The following JPH4 variants were observed in gnomAD, a reference collection of about 807,000 sequenced individuals.
JPH4 encodes junctophilin-4.
A neutral mutation model predicts 57.6 loss-of-function variants in JPH4; 18 were observed. The ratio of observed to expected loss-of-function variants is 0.31; its 90% confidence interval spans 0.22 to 0.46. The LOEUF is 0.46. JPH4 is among the 20% of genes least tolerant of loss of function. JPH4 has a pLI of 1.00. For synonymous variants in JPH4, 425 were observed against 406.6 expected (o/e 1.05, Z -0.54); for missense variants, 727 against 911.1 (o/e 0.80, Z 2.60).
chr14:23,573,624 G>C (rs553178059), intron 3 of JPH4, among the ~76,000 whole-genome samples: 7 of 152,300 alleles, frequency 4.6e-5, no homozygotes, highest in South Asian at 4.1e-4. Flanking sequence ...CTACCTGGCA[G>C]AGGCACCTGC....
Position 23,576,535 on chromosome 14 carries a change from G to A in JPH4, c.380-79C>T. On this transcript the variant is annotated intron_variant, in intron 2 of 5. Transcript: ENST00000356300. The surrounding 1 kb of genome is among the most constrained non-coding windows in gnomAD (Gnocchi z 8.0). ...TGCGCCCCAAGTCCCAAGCGCCCCT[G>A]GAAGCCCAAGCGTCAGGCGGGAGAG... 1 of 1,228,124 alleles carries A rather than the reference G, an allele frequency of 8.1e-7. No individual in the cohort carries two copies. Among genetic ancestry groups the A allele is most frequent in the Non-Finnish European group, 1.0e-6 (1 of 956,956 alleles). 76.1% of individuals were successfully genotyped at this position (1,228,124 alleles called of 1,614,324 possible).
rs1397656228 is a variant in JPH4, at chr14:23,569,135, C to T, written c.*499G>A. 5.6e-6 allele frequency: 1 copy of T among 177,772 alleles called. No individual in the cohort carries two copies. Among genetic ancestry groups the T allele is most frequent in the East Asian group, 1.8e-4 (1 of 5,466 alleles). 11.0% of individuals were successfully genotyped at this position (177,772 alleles called of 1,614,324 possible). ...ACTAGGCCTCAGAGGGACAGCAGGC[C>T]CCTTAGGCTAGGGAGCCACAGCAGC... is the stretch of plus-strand genomic sequence containing the variant. On this transcript the variant is annotated 3_prime_UTR_variant, in exon 6 of 6. Transcript: ENST00000356300. The surrounding 1 kb of genome is among the most constrained non-coding windows in gnomAD (Gnocchi z 4.8).
rs1268001042 is a variant in JPH4 at position 23,576,982 on chromosome 14, T to TGGGCGC, written c.379+87_379+92dup. 15 of 1,369,018 alleles carry TGGGCGC rather than the reference T, an allele frequency of 1.1e-5. No homozygotes were observed. The East Asian group carries it at 2.3e-4, about 21-fold the overall frequency. 84.8% of individuals were successfully genotyped at this position (1,369,018 alleles called of 1,614,324 possible). ...GGAATGGTGGCGGGGGAAAGAAGGA[T>TGGGCGC]GGGCGCAAGGGCGCAAATGGCGGGC... On this transcript the variant is annotated intron_variant, in intron 2 of 5. Transcript: ENST00000356300. The surrounding 1 kb of genome is among the most constrained non-coding windows in gnomAD (Gnocchi z 8.0).
In JPH4 at chr14:23,571,351, C is replaced by A. The variant is rs1341341160; in HGVS notation, c.1380G>T (p.Leu460=). The part of the protein sequence containing the change: ...GLTPSEGSPE[L]PSSPASSRQP... Reference sequence around the variant, plus strand: ...GGCGGGAGGAGGCAGGACTGCTGGGCAGTTCAGGGGATCCCTCTGAGGGGG... The same window carrying A: ...GGCGGGAGGAGGCAGGACTGCTGGGAAGTTCAGGGGATCCCTCTGAGGGGG... Residue 460 remains leucine, a synonymous_variant, in exon 5 of 6, where the codon CTG becomes CTT. Transcript: ENST00000356300. The surrounding 1 kb of genome is among the most constrained non-coding windows in gnomAD (Gnocchi z 4.6). The A allele has an allele frequency of 1.9e-6, 3 of 1,599,150 alleles. No individual in the cohort carries two copies. The highest frequency in any genetic ancestry group is 2.5e-6 in the Non-Finnish European group (3 of 1,176,982).
rs1388351626 is a variant in JPH4, at chr14:23,576,617, G to T, written c.380-161C>A. 1.3e-5 allele frequency among the ~76,000 whole-genome samples: 2 copies of T among 152,206 alleles called. No individual in the cohort carries two copies. Among genetic ancestry groups the T allele is most frequent in the Non-Finnish European group, 2.9e-5 (2 of 68,042 alleles). ...GGCACTGGGAGCCGGGAACAGGCCAGGCTGGGCCGGAAAGTGTGGGAGAGC... is the reference window on the plus strand; with the variant it reads ...GGCACTGGGAGCCGGGAACAGGCCATGCTGGGCCGGAAAGTGTGGGAGAGC... On this transcript the variant is annotated intron_variant, in intron 2 of 5. Coordinates refer to ENST00000356300, the MANE Select transcript of JPH4 (RefSeq NM_001146028.2). This position sits in a 1 kb window ranked among gnomAD's most constrained non-coding sequence, Gnocchi z 8.0.
intron 1 of JPH4, 120 bp downstream of exon 1, chr14:23,578,060 G>A (rs1172588218): frequency 7.9e-6 from 1 of 126,848 alleles, no homozygotes; most frequent in Non-Finnish European, 1.5e-5. Context: ...GTAGGCAGAC[G>A]GTTTTTCGGG....
rs773837594 is a variant in JPH4 at position 23,575,595 on chromosome 14, C to T, written c.1151+90G>A. On this transcript the variant is annotated intron_variant, in intron 3 of 5. Transcript: ENST00000356300. This position sits in a 1 kb window ranked among gnomAD's most constrained non-coding sequence, Gnocchi z 6.9. ...CAATAGCAGGCCCTAGGCCTTGGGC[C>T]TTGGGCCTCCCTTAGGCACACCCGC... 2.1e-5 allele frequency: 32 copies of T among 1,515,008 alleles called. No individual in the cohort carries two copies. The highest frequency in any genetic ancestry group is 2.8e-5 in the Non-Finnish European group (32 of 1,126,326). The allele number at this position is 1,515,008 out of a possible 1,614,324, so 93.8% of individuals were successfully genotyped here.
chr14:23,571,589 C>G lies in JPH4; in HGVS notation c.1271-129G>C. ...AGGCTCATAGCCTCTCACCGCCAGA[C>G]CCCAAACCCCCCATTATCCTACTGC... On this transcript the variant is annotated intron_variant, in intron 4 of 5. Transcript: ENST00000356300. The surrounding 1 kb of genome is among the most constrained non-coding windows in gnomAD (Gnocchi z 4.6). 8.5e-7 allele frequency: 1 copy of G among 1,177,536 alleles called. No homozygotes were observed. The highest frequency in any genetic ancestry group is 1.2e-6 in the Non-Finnish European group (1 of 833,720). 72.9% of individuals were successfully genotyped at this position (1,177,536 alleles called of 1,614,324 possible). A position where few individuals can be genotyped will look rare whatever the true frequency, so the allele number is the denominator to read the frequency against.
chr14:23,571,815 C>G lies in JPH4; in HGVS notation c.1257G>C (p.Met419Ile). Residue 419 changes from methionine to isoleucine, a missense_variant, in exon 4 of 6, where the codon ATG becomes ATC. Transcript: ENST00000356300. This position sits in a 1 kb window ranked among gnomAD's most constrained non-coding sequence, Gnocchi z 4.6. Reference sequence around the variant, plus strand: ...TCCATGCCTCACCTGGGGCCTCTAGCATGGGCTGCAGGTCCTGGGCTATCA... The same window carrying G: ...TCCATGCCTCACCTGGGGCCTCTAGGATGGGCTGCAGGTCCTGGGCTATCA... ...AKLIAQDLQPMLEAPGRRPRQ... is the reference protein window; with the variant it reads ...AKLIAQDLQPILEAPGRRPRQ... 6.2e-7 allele frequency: 1 copy of G among 1,612,706 alleles called. No individual in the cohort carries two copies. Among genetic ancestry groups the G allele is most frequent in the Non-Finnish European group, 8.5e-7 (1 of 1,179,858 alleles).
Position 23,575,811 on chromosome 14 carries a change from C to G in JPH4, c.1025G>C (p.Arg342Pro). 6.3e-7 allele frequency: 1 copy of G among 1,579,292 alleles called. No individual in the cohort carries two copies. The change falls in exon 3 of 6, where the codon CGC becomes CCC. Residue 342 changes from arginine to proline, a missense_variant. This residue lies in a region of JPH4 where 112 missense variants were observed against 199.4 expected (regional missense o/e 0.56). Transcript: ENST00000356300. The surrounding 1 kb of genome is among the most constrained non-coding windows in gnomAD (Gnocchi z 6.9). Reference protein sequence around the residue: ...YKRNRLVHGGRVRSLLPLALR... With the variant: ...YKRNRLVHGGPVRSLLPLALR... ...GGCCAGAGGCAGGAGACTGCGGACG[C>G]GCCCGCCGTGCACCAGCCGGTTGCG...
chr14:23,575,584 AGGCCTTGGGCCTTG>A lies in JPH4; in HGVS notation c.1151+87_1151+100del. 6.8e-7 allele frequency: 1 copy of A among 1,465,204 alleles called. No homozygotes were observed. The highest frequency in any genetic ancestry group is 2.5e-5 in the East Asian group (1 of 40,298). 90.8% of individuals were successfully genotyped at this position (1,465,204 alleles called of 1,614,324 possible). On this transcript the variant is annotated intron_variant, in intron 3 of 5. Transcript: ENST00000356300. The surrounding 1 kb of genome is among the most constrained non-coding windows in gnomAD (Gnocchi z 6.9). ...CCTTAGGCTTGCAATAGCAGGCCCT[AGGCCTTGGGCCTTG>A]GGCCTCCCTTAGGCACACCCGCCTT...
rs770022063 is a variant in JPH4, at chr14:23,577,041, G to C, written c.379+34C>G. On this transcript the variant is annotated intron_variant, in intron 2 of 5. Coordinates refer to ENST00000356300, the MANE Select transcript of JPH4 (RefSeq NM_001146028.2). This position sits in a 1 kb window ranked among gnomAD's most constrained non-coding sequence, Gnocchi z 8.4. ...AAGGCTGGGGAAGGCGCACGCGGAC[G>C]AGCAGACAGACACTGGTGGGCCGGG... is the stretch of plus-strand genomic sequence containing the variant. The C allele has an allele frequency of 1.4e-6, 2 of 1,473,272 alleles. No individual in the cohort carries two copies. Among genetic ancestry groups the C allele is most frequent in the East Asian group, 5.1e-5 (2 of 39,188 alleles). The allele number at this position is 1,473,272 out of a possible 1,614,324, so 91.3% of individuals were successfully genotyped here. A position where few individuals can be genotyped will look rare whatever the true frequency, so the allele number is the denominator to read the frequency against.
chr14:23,568,055 T>C lies in JPH4; in HGVS notation c.*1579A>G. ...CCCCCCCCTTTTTTGAACTTTTTTA[T>C]TAATATATTTTTTTTGTTAAATTTC... On this transcript the variant is annotated 3_prime_UTR_variant, in exon 6 of 6. Coordinates refer to ENST00000356300, the MANE Select transcript of JPH4 (RefSeq NM_001146028.2). 1 of 983,780 alleles carries C rather than the reference T, an allele frequency of 1.0e-6. No individual in the cohort carries two copies. The highest frequency in any genetic ancestry group is 1.2e-6 in the Non-Finnish European group (1 of 828,028). 60.9% of individuals were successfully genotyped at this position (983,780 alleles called of 1,614,324 possible). A position where few individuals can be genotyped will look rare whatever the true frequency, so the allele number is the denominator to read the frequency against.
Position 23,570,913 on chromosome 14 carries a change from G to C in JPH4, c.1803+15C>G, listed in dbSNP as rs774947162. The C allele has an allele frequency of 7.3e-6, 11 of 1,504,508 alleles. No homozygotes were observed. Among genetic ancestry groups the C allele is most frequent in the South Asian group, 1.4e-5 (1 of 73,442 alleles). 93.2% of individuals were successfully genotyped at this position (1,504,508 alleles called of 1,614,324 possible). A position where few individuals can be genotyped will look rare whatever the true frequency, so the allele number is the denominator to read the frequency against. On this transcript the variant is annotated intron_variant, in intron 5 of 5. Coordinates refer to ENST00000356300, the MANE Select transcript of JPH4 (RefSeq NM_001146028.2). ...TTGGGAGAAGAGGGCACACAGCAGG[G>C]ACAGAGGATCTCACCGGCTGGGCAG...
Position 23,569,751 on chromosome 14 carries a change from C to T in JPH4, c.1804-34G>A. On this transcript the variant is annotated intron_variant, in intron 5 of 5. Coordinates refer to ENST00000356300, the MANE Select transcript of JPH4 (RefSeq NM_001146028.2). This position sits in a 1 kb window ranked among gnomAD's most constrained non-coding sequence, Gnocchi z 4.8. ...ACAGAGGGGGAAGCAGACTCAGTCC[C>T]CGAGGACAGGGCCCACCTTCCTGCC... The T allele has an allele frequency of 1.4e-6, 2 of 1,450,424 alleles. No individual in the cohort carries two copies. The highest frequency in any genetic ancestry group is 9.4e-7 in the Non-Finnish European group (1 of 1,060,544). 89.8% of individuals were successfully genotyped at this position (1,450,424 alleles called of 1,614,324 possible). A position where few individuals can be genotyped will look rare whatever the true frequency, so the allele number is the denominator to read the frequency against.
chr14:23,572,490 C>T (rs572763612), intron 3 of JPH4, among the ~76,000 whole-genome samples: 3 of 152,142 alleles, frequency 2.0e-5, no homozygotes, highest in East Asian at 1.9e-4. Context: ...TCAGAGCCAC[C>T]GTCTCCCTTA....
At position 23,568,350 on chromosome 14, in the gene JPH4, C is replaced by T; in HGVS notation, c.*1284G>A. ...GGAGGGAGGAAAGATCCCCTGGGGA[C>T]CCTGCAGTCCCCTCTTCCTAGGGCT... On this transcript the variant is annotated 3_prime_UTR_variant, in exon 6 of 6. Coordinates refer to ENST00000356300, the MANE Select transcript of JPH4 (RefSeq NM_001146028.2). 5.1e-6 allele frequency: 5 copies of T among 985,766 alleles called. No individual in the cohort carries two copies. Among genetic ancestry groups the T allele is most frequent in the Non-Finnish European group, 6.0e-6 (5 of 829,886 alleles). 61.1% of individuals were successfully genotyped at this position (985,766 alleles called of 1,614,324 possible).
In JPH4 at chr14:23,571,457, C is replaced by T. The variant is rs140989156; in HGVS notation, c.1274G>A (p.Arg425His). The change falls in exon 5 of 6, where the codon CGC becomes CAC. Residue 425 changes from arginine to histidine, a missense_variant. Coordinates refer to ENST00000356300, the MANE Select transcript of JPH4 (RefSeq NM_001146028.2). This position sits in a 1 kb window ranked among gnomAD's most constrained non-coding sequence, Gnocchi z 4.6. The part of the protein sequence containing the change: ...DLQPMLEAPG[R>H]RPRQDSEGSD... Reference sequence around the variant, plus strand: ...ACCTTCTGAGTCCTGCCTGGGTCTGCGGCCTGGGTAGGGATAGCTGAGAAT... The same window carrying T: ...ACCTTCTGAGTCCTGCCTGGGTCTGTGGCCTGGGTAGGGATAGCTGAGAAT... The T allele has an allele frequency of 1.7e-4, 275 of 1,598,382 alleles. 1 individual carries two copies. The African/African-American group carries it at 3.0e-3, about 17-fold the overall frequency.
Position 23,571,028 on chromosome 14 carries a change from G to T in JPH4, c.1703C>A (p.Ala568Asp). ...GGACGAGCCCCTCAGGACCAGCATG[G>T]CGATGGGCTCAGGCTCCGTGCCTGC... ...APAGTEPEPIAMLVLRGSSSR... is the reference protein window; with the variant it reads ...APAGTEPEPIDMLVLRGSSSR... The change falls in exon 5 of 6, where the codon GCC (alanine) becomes GAC (aspartate). Residue 568 changes from alanine (A) to aspartate (D), a missense_variant. Physicochemically the swap from Ala to Asp is moderately radical, Grantham distance 126. Transcript: ENST00000356300. The surrounding 1 kb of genome is among the most constrained non-coding windows in gnomAD (Gnocchi z 4.6). 1 of 1,594,366 alleles carries T rather than the reference G, an allele frequency of 6.3e-7. No homozygotes were observed. The highest frequency in any genetic ancestry group is 1.3e-5 in the African/African-American group (1 of 74,686).
Sources: allele counts gnomAD v4.1 joint callset (sites outside exome capture counted in the v4.1 genomes callset), GRCh38; gene constraint gnomAD v4.1.1; regional missense constraint gnomAD v4.1.1; non-coding constraint Gnocchi (gnomAD v3.1); transcripts MANE v1.5; gene names NCBI Gene and HGNC (gene_info 2026-07-23, HGNC 2026-07-21).